The following SLC4A4 variants were observed in gnomAD, a reference collection of about 807,000 sequenced individuals.
SLC4A4 encodes electrogenic sodium bicarbonate cotransporter 1.
Under a neutral mutation model 111.5 loss-of-function variants are expected in SLC4A4, and 27 were observed. The ratio of observed to expected loss-of-function variants is 0.24; its 90% CI spans 0.18 to 0.33. SLC4A4 has a LOEUF of 0.33. Among genes scored for constraint, SLC4A4 ranks in the 10% least tolerant of loss-of-function variants. The pLI, the probability that SLC4A4 is intolerant of heterozygous loss-of-function variation, is 1.00. For missense variants in SLC4A4, 909 were observed against 1,315.5 expected (o/e 0.69, Z 4.78); for synonymous variants, 443 against 463.4 (o/e 0.96, Z 0.57).
At chr4:71,144,131 T>G (rs1291705723) in intron 2 of SLC4A4, among the ~76,000 whole-genome samples, 1 of 152,222 alleles carries the variant, frequency 6.6e-6, no homozygotes, top group Non-Finnish European at 1.5e-5. Flanking sequence ...GTATAAGGTG[T>G]AAGAAAGGGA....
intron 2 of SLC4A4, among the ~76,000 whole-genome samples, chr4:71,165,371 C>G (rs1465571503): frequency 1.3e-5 from 2 of 152,112 alleles, no homozygotes; most frequent in East Asian, 1.9e-4. Flanking sequence ...TACTATGCAG[C>G]TATAAAAAAG....
At chr4:71,375,329 A>G (rs1198222006) in intron 6 of SLC4A4, among the ~76,000 whole-genome samples, 2 of 152,210 alleles carry the variant, frequency 1.3e-5, no homozygotes, top group Non-Finnish European at 2.9e-5. Context: ...AAGTTGATTA[A>G]GTAGTATTTC....
Position 71,366,033 on chromosome 4 carries a change from A to T in SLC4A4, c.730+8846A>T, listed in dbSNP as rs60242536. Among the ~76,000 whole-genome samples the T allele has an allele frequency of 8.0e-3, 1,205 of 151,446 alleles. 17 individuals are homozygous for T. Among genetic ancestry groups the T allele is most frequent in the African/African-American group, 0.026 (1,066 of 41,494 alleles). On this transcript the variant is annotated intron_variant, in intron 6 of 25. Coordinates refer to ENST00000264485, the MANE Select transcript of SLC4A4 (RefSeq NM_001098484.3). ...GGGCTCTGGAGGCCATTCTACATCT[A>T]AGCAGGAAAACACACCAAACATGGC...
At chr4:71,220,505 C>A (rs1718676359) in intron 1 of SLC4A4, among the ~76,000 whole-genome samples, 1 of 152,110 alleles carries the variant, frequency 6.6e-6, no homozygotes, top group Admixed American at 6.5e-5. Context: ...CCACCATTAT[C>A]ATACCTAATA....
intron 1 of SLC4A4, among the ~76,000 whole-genome samples, chr4:71,071,903 C>T (rs895307278): frequency 1.3e-5 from 2 of 152,046 alleles, no homozygotes; most frequent in Admixed American, 1.3e-4. Flanking sequence ...AAATAAATTC[C>T]TAGAAGTGGA....
chr4:71,142,499 T>G (rs887130376), intron 2 of SLC4A4, among the ~76,000 whole-genome samples: 1 of 152,124 alleles, frequency 6.6e-6, no homozygotes, highest in Non-Finnish European at 1.5e-5. Flanking sequence ...TACCTTAAAT[T>G]TCTTACTTTC....
intron 4 of SLC4A4, 85 bp from the exon 5 acceptor site, chr4:71,349,827 G>A: frequency 3.3e-6 from 4 of 1,212,434 alleles, no homozygotes; most frequent in Admixed American, 1.7e-5. Context: ...GTGCTGGAAG[G>A]GGTGAAGATG....
At chr4:71,189,477 T>TAATG in intron 1 of SLC4A4, among the ~76,000 whole-genome samples, 1 of 152,150 alleles carries the variant, frequency 6.6e-6, no homozygotes, top group Admixed American at 6.5e-5. Flanking sequence ...GCGATAGAAA[T>TAATG]CGGGTAACCT....
intron 6 of SLC4A4, among the ~76,000 whole-genome samples, chr4:71,371,404 C>T (rs546755557): frequency 6.6e-6 from 1 of 152,142 alleles, no homozygotes; most frequent in East Asian, 1.9e-4. Flanking sequence ...CCACCACTCC[C>T]AGCTAATTTT....
intron 2 of SLC4A4, among the ~76,000 whole-genome samples, chr4:71,146,181 A>G (rs2148969206): frequency 6.6e-6 from 1 of 152,250 alleles, no homozygotes; most frequent in South Asian, 2.1e-4. Context: ...GAACATCTTT[A>G]TTTCTGCCTT....
At chr4:71,131,571 A>G (rs1743708733) in intron 2 of SLC4A4, among the ~76,000 whole-genome samples, 1 of 152,222 alleles carries the variant, frequency 6.6e-6, no homozygotes, top group South Asian at 2.1e-4. Flanking sequence ...GTGGAAGTAT[A>G]TGCAAATTAC....
intron 1 of SLC4A4, among the ~76,000 whole-genome samples, chr4:71,221,470 A>G (rs554495199): frequency 6.6e-6 from 1 of 152,354 alleles, no homozygotes; most frequent in African/African-American, 2.4e-5. Context: ...CAGTGTAACC[A>G]TGGAATCAGA....
At chr4:71,230,984 A>C (rs541575419) in intron 1 of SLC4A4, among the ~76,000 whole-genome samples, 1 of 152,352 alleles carries the variant, frequency 6.6e-6, no homozygotes, top group African/African-American at 2.4e-5. Context: ...TCCTTTGGCA[A>C]AAGCTTGGGC....
chr4:71,399,114 A>T (rs1720114078), intron 7 of SLC4A4, among the ~76,000 whole-genome samples: 1 of 152,138 alleles, frequency 6.6e-6, no homozygotes, highest in African/African-American at 2.4e-5. Context: ...GTATATGAGG[A>T]TGTGTGTAGG....
rs549267793 is a variant in SLC4A4, at chr4:71,110,100, G to C, written c.-2+17308G>C. ...ACAGAGTTCCAAAATCGTTGCATCA[G>C]GCAGATTGCTGGATTGTAATTACTG... On this transcript the variant is annotated intron_variant, in intron 2 of 26. Transcript: ENST00000649996. Among the ~76,000 whole-genome samples the C allele has an allele frequency of 3.3e-5, 5 of 152,254 alleles. No individual in the cohort carries two copies. In the East Asian group the frequency reaches 9.6e-4, roughly 29 times the overall value.
At chr4:71,145,898 G>C (rs552001984) in intron 2 of SLC4A4, among the ~76,000 whole-genome samples, 15 of 152,082 alleles carry the variant, frequency 9.9e-5, no homozygotes, top group Non-Finnish European at 1.8e-4. Flanking sequence ...CAAAAAACCA[G>C]CTCCTGGATT....
Position 71,425,664 on chromosome 4 carries a change from G to A in SLC4A4, c.808-14952G>A, listed in dbSNP as rs1252697161. Among the ~76,000 whole-genome samples the A allele has an allele frequency of 5.9e-5, 9 of 152,094 alleles. No homozygotes were observed. The East Asian group carries it at 1.7e-3, about 29-fold the overall frequency. On this transcript the variant is annotated intron_variant, in intron 7 of 25. Transcript: ENST00000264485. Reference sequence around the variant, plus strand: ...GTAAGATGTACATTGGTTCAGTCCAGAAAGCAAGGAAAACTCAAAGTGGGG... The same window carrying A: ...GTAAGATGTACATTGGTTCAGTCCAAAAAGCAAGGAAAACTCAAAGTGGGG...
intron 18 of SLC4A4, among the ~76,000 whole-genome samples, chr4:71,538,207 TACTC>T (rs1734736307): frequency 6.6e-6 from 1 of 152,166 alleles, no homozygotes; most frequent in South Asian, 2.1e-4. Context: ...TACTAATTTT[TACTC>T]ACTATGTTTT....
chr4:71,443,138 A>C (rs1471709455), intron 8 of SLC4A4, among the ~76,000 whole-genome samples: 1 of 135,658 alleles, frequency 7.4e-6, no homozygotes, highest in African/African-American at 2.9e-5. Flanking sequence ...ATATATATAT[A>C]TATATATATA....
Sources: gnomAD v4.1 joint callset for allele counts (sites outside exome capture counted in the v4.1 genomes callset) on GRCh38, gnomAD v4.1.1 for gene constraint, MANE v1.5 for transcripts, NCBI Gene and HGNC (gene_info 2026-07-23, HGNC 2026-07-21) for gene names.